Variants in OSMR observed in about 807,000 individuals in gnomAD.
OSMR encodes oncostatin M receptor, also known as oncostatin-M-specific receptor subunit beta.
Under a neutral mutation model 99.9 loss-of-function variants are expected in OSMR, and 81 were observed. The observed-to-expected ratio is 0.81, with a 90% confidence interval of 0.68 to 0.97. OSMR has a LOEUF of 0.97. Among genes scored for constraint, OSMR ranks in the 50% least tolerant of loss-of-function variants. The probability of loss-of-function intolerance (pLI) is 0.00; values close to 1 mark genes in which losing one functional copy is unlikely to be tolerated. For synonymous variants in OSMR, 406 were observed against 410.4 expected (o/e 0.99, Z 0.13); for missense variants, 1,099 against 1,153.4 (o/e 0.95, Z 0.68).
chr5:38,873,596 T>C (rs917919305), intron 2 of OSMR, among the ~76,000 whole-genome samples: 1 of 152,182 alleles, frequency 6.6e-6, no homozygotes, highest in Non-Finnish European at 1.5e-5. Context: ...TTTACATTCC[T>C]ACCGGCAGTG....
intron 15 of OSMR, among the ~76,000 whole-genome samples, chr5:38,930,632 AG>A: frequency 6.6e-6 from 1 of 152,348 alleles, no homozygotes; most frequent in East Asian, 1.9e-4. Flanking sequence ...GGAAATTGCA[AG>A]CAATGGGAAC....
Position 38,905,383 on chromosome 5 carries a change from G to A in OSMR, c.1285+880G>A, listed in dbSNP as rs1745162767. Among the ~76,000 whole-genome samples, 2 of 152,224 alleles carry A rather than the reference G, an allele frequency of 1.3e-5. 1 individual carries two copies. The highest frequency in any genetic ancestry group is 6.8e-3 in the Middle Eastern group (2 of 294). On this transcript the variant is annotated intron_variant, in intron 9 of 17. Coordinates refer to ENST00000274276, the MANE Select transcript of OSMR (RefSeq NM_003999.3). ...ACACGCCTGTAATCCCAGCTACTCGGGAGGCTGAGGCAGGAGACCGCTTGA... is the reference window on the plus strand; with the variant it reads ...ACACGCCTGTAATCCCAGCTACTCGAGAGGCTGAGGCAGGAGACCGCTTGA...
At chr5:38,936,842 C>A (rs1747068865), downstream of OSMR, among the ~76,000 whole-genome samples, 1 of 152,170 alleles carries the variant, frequency 6.6e-6, no homozygotes, top group Non-Finnish European at 1.5e-5. Flanking sequence ...TGTTTTATTC[C>A]TCTAAGCATT....
chr5:38,927,162 T>C (rs1298099403), intron 15 of OSMR, among the ~76,000 whole-genome samples: 1 of 152,212 alleles, frequency 6.6e-6, no homozygotes, highest in Non-Finnish European at 1.5e-5. Context: ...TCTGGCTGCT[T>C]TCATGGGCTG....
chr5:38,935,725 T>TAAAA (rs2112722595), downstream of OSMR: 1 of 152,312 alleles, frequency 6.6e-6, no homozygotes, highest in East Asian at 1.9e-4. Flanking sequence ...ACTTACTAAA[T>TAAAA]AAAAATGTAA....
In OSMR at chr5:38,899,055, G is replaced by A. The variant is rs1744718273; in HGVS notation, c.992-4827G>A. ...AGCTCACTGCAACCTCCACTTCCCAGGTTCAAGCAGTTCTCTGCCTCAGCC... is the reference window on the plus strand; with the variant it reads ...AGCTCACTGCAACCTCCACTTCCCAAGTTCAAGCAGTTCTCTGCCTCAGCC... On this transcript the variant is annotated intron_variant, in intron 7 of 17. Transcript: ENST00000274276. Among the ~76,000 whole-genome samples the A allele has an allele frequency of 2.1e-5, 3 of 145,778 alleles. No individual in the cohort carries two copies. The Admixed American group carries it at 2.1e-4, about 10-fold the overall frequency.
At position 38,925,240 on chromosome 5, in the gene OSMR, C is replaced by T. The variant is rs387906822; in HGVS notation, c.2081C>T (p.Pro694Leu). 7.4e-6 allele frequency: 12 copies of T among 1,613,820 alleles called. No homozygotes were observed. The highest frequency in any genetic ancestry group is 3.3e-5 in the Admixed American group (2 of 59,962). ...SECCKYKIDN[P>L]EEKALIVDNL... ...TGTTGCAAATACAAAATTGACAACCCGGAAGAAAAGGCATTGATTGTGGAC... is the reference window on the plus strand; with the variant it reads ...TGTTGCAAATACAAAATTGACAACCTGGAAGAAAAGGCATTGATTGTGGAC... Residue 694 changes from proline to leucine, a missense_variant, in exon 15 of 18, where the codon CCG (proline) becomes CTG (leucine). Pro to Leu is a moderately conservative substitution (Grantham distance 98). Transcript: ENST00000274276.
At chr5:38,870,324 G>T (rs1407342056) in intron 2 of OSMR, among the ~76,000 whole-genome samples, 1 of 123,778 alleles carries the variant, frequency 8.1e-6, no homozygotes, top group Non-Finnish European at 1.6e-5. Context: ...TAATAAGAAT[G>T]ATTTTCTTTT....
chr5:38,909,729 T>C (rs1274596679), intron 9 of OSMR, among the ~76,000 whole-genome samples: 1 of 152,114 alleles, frequency 6.6e-6, no homozygotes, highest in Non-Finnish European at 1.5e-5. Context: ...CTTAAGGAAG[T>C]GCCAAATATG....
intron 15 of OSMR, among the ~76,000 whole-genome samples, chr5:38,931,046 T>C (rs918276686): frequency 2.6e-5 from 4 of 152,014 alleles, no homozygotes; most frequent in Non-Finnish European, 5.9e-5. Context: ...GCTCTATTTG[T>C]CAGGGTTTCC....
chr5:38,883,847 G>T lies in OSMR; in HGVS notation c.439G>T (p.Asp147Tyr). 6.2e-7 allele frequency: 1 copy of T among 1,613,054 alleles called. No homozygotes were observed. Among genetic ancestry groups the T allele is most frequent in the Non-Finnish European group, 8.5e-7 (1 of 1,179,992 alleles). Reference sequence around the variant, plus strand: ...TGCAGTACAAGATTCTACTGGACAGGATATATTGTTCGTTTTCCCTAAAGA... The same window carrying T: ...TGCAGTACAAGATTCTACTGGACAGTATATATTGTTCGTTTTCCCTAAAGA... Reference protein sequence around the residue: ...EVSVQDSTGQDILFVFPKDKL... With the variant: ...EVSVQDSTGQYILFVFPKDKL... The change falls in exon 5 of 18, where the codon GAT becomes TAT. Residue 147 changes from aspartate (D) to tyrosine (Y), a missense_variant. Coordinates refer to ENST00000274276, the MANE Select transcript of OSMR (RefSeq NM_003999.3).
intron 1 of OSMR, among the ~76,000 whole-genome samples, chr5:38,863,963 A>G (rs1741724077): frequency 6.6e-6 from 1 of 152,224 alleles, no homozygotes; most frequent in African/African-American, 2.4e-5. Context: ...TTATCTAAAT[A>G]CAGCTACTCT....
chr5:38,884,253 A>T, intron 5 of OSMR, 142 bp downstream of exon 5: 1 of 769,892 alleles, frequency 1.3e-6, no homozygotes, highest in Non-Finnish European at 2.3e-6. Flanking sequence ...AGAGGCTCTG[A>T]AGTCGATGTC....
rs1743523496 is a variant in OSMR at position 38,884,120 on chromosome 5, G to A, written c.703+9G>A. 6.2e-7 allele frequency: 1 copy of A among 1,601,058 alleles called. No homozygotes were observed. The highest frequency in any genetic ancestry group is 8.6e-7 in the Non-Finnish European group (1 of 1,168,042). ...CGTTCTTTTTGTCTCAAGTAAGTGT[G>A]CAAATTCTCTGTGGCCCTTTCTTCT... is the stretch of plus-strand genomic sequence containing the variant. On this transcript the variant is annotated intron_variant, in intron 5 of 17. Coordinates refer to ENST00000274276, the MANE Select transcript of OSMR (RefSeq NM_003999.3).
rs868153962 is a variant in OSMR at position 38,862,660 on chromosome 5, G to A, written c.-13-6372G>A. 9.4e-5 allele frequency among the ~76,000 whole-genome samples: 14 copies of A among 148,986 alleles called. 1 individual carries two copies. Among genetic ancestry groups the A allele is most frequent in the South Asian group, 4.3e-4 (2 of 4,668 alleles). ...CCAGACGGGGCGGCAGGGCAGAGGC[G>A]CTCCCCACATCTCAGACGATGGGCT... On this transcript the variant is annotated intron_variant, in intron 1 of 17. Coordinates refer to ENST00000274276, the MANE Select transcript of OSMR (RefSeq NM_003999.3).
At chr5:38,935,855 C>T (rs1746998012), downstream of OSMR, among the ~76,000 whole-genome samples, 1 of 152,170 alleles carries the variant, frequency 6.6e-6, no homozygotes, top group Middle Eastern at 3.2e-3. Context: ...AATCACTCGC[C>T]TAAATCAAAT....
At chr5:38,912,066 A>G (rs1490010811) in intron 9 of OSMR, among the ~76,000 whole-genome samples, 1 of 152,148 alleles carries the variant, frequency 6.6e-6, no homozygotes, top group Admixed American at 6.5e-5. Context: ...TAGCCAGAGC[A>G]ATCAGACAAG....
chr5:38,881,581 C>T lies in OSMR; in HGVS notation c.247-12C>T, dbSNP rs1200364041. The T allele has an allele frequency of 6.2e-7, 1 of 1,614,134 alleles. No homozygotes were observed. Among genetic ancestry groups the T allele is most frequent in the African/African-American group, 1.3e-5 (1 of 75,038 alleles). ...GGCTATGTGTCTCCAATTGTTTTCTCTTTGCTTTTAGGGGAATTACAGCAC... is the reference window on the plus strand; with the variant it reads ...GGCTATGTGTCTCCAATTGTTTTCTTTTTGCTTTTAGGGGAATTACAGCAC... On this transcript the variant is annotated splice_polypyrimidine_tract_variant and intron_variant, in intron 3 of 17. Coordinates refer to ENST00000274276, the MANE Select transcript of OSMR (RefSeq NM_003999.3).
chr5:38,880,114 G>A (rs1159539591), intron 3 of OSMR, among the ~76,000 whole-genome samples: 2 of 152,144 alleles, frequency 1.3e-5, no homozygotes, highest in African/African-American at 4.8e-5. Flanking sequence ...ATGCCCCCTG[G>A]GTGGACCAGG....
Sources: gnomAD v4.1 joint callset for allele counts (sites outside exome capture counted in the v4.1 genomes callset) on GRCh38, gnomAD v4.1.1 for gene constraint, MANE v1.5 for transcripts, NCBI Gene and HGNC (gene_info 2026-07-23, HGNC 2026-07-21) for gene names.